The following RARA variants were observed in gnomAD, a reference collection of about 807,000 sequenced individuals.
The protein encoded by RARA is PML-DDX5-RARA fusion.
In RARA, 5 loss-of-function variants were observed where a neutral mutation model predicts 42.8. That is an observed-to-expected ratio of 0.12 (90% CI 0.06 to 0.25). The LOEUF (loss-of-function observed/expected upper bound fraction) is 0.25, where lower values mean the gene tolerates loss of function less well. RARA is among the 10% of genes least tolerant of loss of function. The pLI, the probability that RARA is intolerant of heterozygous loss-of-function variation, is 1.00. For missense variants in RARA, 402 were observed against 628.7 expected (o/e 0.64, Z 3.86); for synonymous variants, 256 against 259.5 (o/e 0.99, Z 0.13).
At chr17:40,332,918 A>G (rs2715554) in intron 2 of RARA, among the ~76,000 whole-genome samples, 15,020 of 152,286 alleles carry the variant, frequency 0.099, 1,026 homozygotes, top group Non-Finnish European at 0.15. Context: ...GTTTGGGGCT[A>G]CTAGGGAATG....
intron 1 of RARA, among the ~76,000 whole-genome samples, chr17:40,322,223 C>T (rs934479909): frequency 1.3e-5 from 2 of 151,658 alleles, no homozygotes; most frequent in Admixed American, 6.6e-5. Flanking sequence ...CTCGTCTGGG[C>T]GGGCACCTTG....
Position 40,352,309 on chromosome 17 carries a change from C to G in RARA, c.631-22C>G, listed in dbSNP as rs753217779. 3 of 1,576,684 alleles carry G rather than the reference C, an allele frequency of 1.9e-6. No homozygotes were observed. The highest frequency in any genetic ancestry group is 2.6e-6 in the Non-Finnish European group (3 of 1,157,604). On this transcript the variant is annotated intron_variant, in intron 5 of 8. Transcript: ENST00000254066. This position sits in a 1 kb window ranked among gnomAD's most constrained non-coding sequence, Gnocchi z 4.9. ...AAGGGGTGCCATGGAGAAGAAGGCC[C>G]TCACTCTCCCTCCTCCCCCAGAACA...
intron 1 of RARA, among the ~76,000 whole-genome samples, chr17:40,312,852 C>G (rs534958640): frequency 1.1e-4 from 17 of 152,244 alleles, no homozygotes; most frequent in African/African-American, 3.9e-4. Flanking sequence ...TGTGTTGAGA[C>G]CTGAACCCAG....
chr17:40,348,648 T>G, intron 3 of RARA, 184 bp downstream of exon 3: 1 of 671,458 alleles, frequency 1.5e-6, no homozygotes, highest in Admixed American at 4.1e-5. Flanking sequence ...CCCATAAATG[T>G]GCAGGGCTCC....
At position 40,351,193 on chromosome 17, in the gene RARA, C is replaced by T. The variant is rs2034432161; in HGVS notation, c.470-717C>T. Among the ~76,000 whole-genome samples the T allele has an allele frequency of 6.6e-6, 1 of 151,942 alleles. No homozygotes were observed. ...AATTTGCAGAATCGACATGAGTGAT[C>T]TCCAAATTATGCCAGCTACCCCCAC... On this transcript the variant is annotated intron_variant, in intron 4 of 8. Transcript: ENST00000254066. The surrounding 1 kb of genome is among the most constrained non-coding windows in gnomAD (Gnocchi z 4.1).
At chr17:40,321,401 C>T (rs2033374605) in intron 1 of RARA, among the ~76,000 whole-genome samples, 1 of 152,074 alleles carries the variant, frequency 6.6e-6, no homozygotes, top group Non-Finnish European at 1.5e-5. Flanking sequence ...ACTGGAGCCT[C>T]CCTTGCCTGT....
intron 1 of RARA, among the ~76,000 whole-genome samples, chr17:40,330,109 C>T (rs1472530638): frequency 6.6e-6 from 1 of 152,190 alleles, no homozygotes; most frequent in Non-Finnish European, 1.5e-5. Flanking sequence ...TTCTGCCCAC[C>T]TCCCACCCCA....
chr17:40,314,027 CTG>C (rs1188399627), intron 1 of RARA, among the ~76,000 whole-genome samples: 2 of 152,166 alleles, frequency 1.3e-5, no homozygotes, highest in Non-Finnish European at 2.9e-5. Context: ...CTGTTGGTCT[CTG>C]TCTCATTCTC....
intron 2 of RARA, among the ~76,000 whole-genome samples, chr17:40,344,254 C>T (rs1025553364): frequency 1.3e-5 from 2 of 152,070 alleles, no homozygotes; most frequent in Non-Finnish European, 1.5e-5. Context: ...GTCCTGCCCC[C>T]GACCATTTCC....
rs1172581482 is a variant in RARA, at chr17:40,356,189, G to A, written c.1352G>A (p.Ser451Asn). ...PGSCSPSLSP[S>N]SNRSSPATHS... ...AGCTGTAGCCCCAGCCTCAGCCCCAGCTCCAACAGAAGCAGCCCGGCCACC... is the reference window on the plus strand; with the variant it reads ...AGCTGTAGCCCCAGCCTCAGCCCCAACTCCAACAGAAGCAGCCCGGCCACC... The change falls in exon 9 of 9, where the codon AGC (serine) becomes AAC (asparagine). Residue 451 changes from serine to asparagine, a missense_variant. By Grantham distance (46) the Ser-to-Asn change is conservative. This residue lies in a region of RARA where 73 missense variants were observed against 59.8 expected (regional missense o/e 1.22). Coordinates refer to ENST00000254066, the MANE Select transcript of RARA (RefSeq NM_000964.4). 1 of 1,550,602 alleles carries A rather than the reference G, an allele frequency of 6.4e-7. No homozygotes were observed.
rs71356657 is a variant in RARA at position 40,315,132 on chromosome 17, G to GTATATA, written c.-363+5881_-363+5886dup. Among the ~76,000 whole-genome samples the GTATATA allele has an allele frequency of 5.9e-3, 377 of 64,072 alleles. 5 individuals carry two copies. Among genetic ancestry groups the GTATATA allele is most frequent in the Admixed American group, 7.6e-3 (35 of 4,626 alleles). The allele number at this position is 64,072 out of a possible 152,430, so 42.0% of individuals were successfully genotyped here. A position where few individuals can be genotyped will look rare whatever the true frequency, so the allele number is the denominator to read the frequency against. On this transcript the variant is annotated intron_variant, in intron 1 of 8. Coordinates refer to ENST00000254066, the MANE Select transcript of RARA (RefSeq NM_000964.4). ...TATATATATATATATGCTTATATGTGTATATATATATATATATATATATAT... is the reference window on the plus strand; with the variant it reads ...TATATATATATATATGCTTATATGTGTATATATATATATATATATATATATATATAT...
At chr17:40,321,145 A>T (rs2033364500) in intron 1 of RARA, among the ~76,000 whole-genome samples, 1 of 151,352 alleles carries the variant, frequency 6.6e-6, no homozygotes, top group African/African-American at 2.4e-5. Context: ...GTGTCCAGGG[A>T]GTATTCTGGG....
intron 1 of RARA, among the ~76,000 whole-genome samples, chr17:40,317,545 C>G (rs1216493033): frequency 1.4e-5 from 2 of 147,102 alleles, no homozygotes; most frequent in Non-Finnish European, 3.0e-5. Context: ...GGCGCCCCTA[C>G]TGGAAGATCC....
rs2033341160 is a variant in RARA, at chr17:40,320,353, C to T, written c.-362-10504C>T. The stretch of plus-strand genomic sequence containing the variant: ...AGCCTGGCAGGAAGCCAGCTGTGGG[C>T]AGCCCCATCCTGATCACCCATGTGC... On this transcript the variant is annotated intron_variant, in intron 1 of 8. Coordinates refer to ENST00000254066, the MANE Select transcript of RARA (RefSeq NM_000964.4). The surrounding 1 kb of genome is among the most constrained non-coding windows in gnomAD (Gnocchi z 4.1). Among the ~76,000 whole-genome samples the T allele has an allele frequency of 6.6e-6, 1 of 152,162 alleles. No homozygotes were observed. The highest frequency in any genetic ancestry group is 1.5e-5 in the Non-Finnish European group (1 of 68,022).
At chr17:40,346,155 C>T (rs1242550449) in intron 2 of RARA, among the ~76,000 whole-genome samples, 2 of 152,188 alleles carry the variant, frequency 1.3e-5, no homozygotes, top group Non-Finnish European at 1.5e-5. Context: ...CTCTCAGTTC[C>T]GTAAACACCC....
rs370334154 is a variant in RARA at position 40,356,646 on chromosome 17, G to A, written c.*420G>A. 7.4e-6 allele frequency: 4 copies of A among 538,954 alleles called. No homozygotes were observed. Among genetic ancestry groups the A allele is most frequent in the Admixed American group, 2.3e-5 (1 of 44,176 alleles). 33.4% of individuals were successfully genotyped at this position (538,954 alleles called of 1,614,324 possible). On this transcript the variant is annotated 3_prime_UTR_variant, in exon 9 of 9. Coordinates refer to ENST00000254066, the MANE Select transcript of RARA (RefSeq NM_000964.4). ...GGAACCTCAACCTCCCCCCTGCCTC[G>A]GTTGGTGACAGAGGGGGTGGGACAG...
rs1239789997 is a variant in RARA, at chr17:40,351,567, A to G, written c.470-343A>G. On this transcript the variant is annotated intron_variant, in intron 4 of 8. Transcript: ENST00000254066. The surrounding 1 kb of genome is among the most constrained non-coding windows in gnomAD (Gnocchi z 4.1). ...GCGGGAGAAGGACCTTCCTGGGGAA[A>G]GAGGAGGCAGAGCACCTAGGAGGGC... The G allele has an allele frequency of 4.2e-6, 2 of 472,710 alleles. No homozygotes were observed. The highest frequency in any genetic ancestry group is 1.2e-4 in the East Asian group (2 of 17,218). 29.3% of individuals were successfully genotyped at this position (472,710 alleles called of 1,614,324 possible).
rs1272984574 is a variant in RARA, at chr17:40,345,139, A to G, written c.179-3177A>G. 3 of 153,716 alleles carry G rather than the reference A, an allele frequency of 2.0e-5. No individual in the cohort carries two copies. Among genetic ancestry groups the G allele is most frequent in the African/African-American group, 7.2e-5 (3 of 41,452 alleles). 9.5% of individuals were successfully genotyped at this position (153,716 alleles called of 1,614,324 possible). On this transcript the variant is annotated intron_variant, in intron 2 of 8. Transcript: ENST00000254066. This position sits in a 1 kb window ranked among gnomAD's most constrained non-coding sequence, Gnocchi z 4.8. Reference sequence around the variant, plus strand: ...TGTGGCTCCCCATCTGTCTCCCACCAATCTCCGCCACTCACACCTCCGCCC... The same window carrying G: ...TGTGGCTCCCCATCTGTCTCCCACCGATCTCCGCCACTCACACCTCCGCCC...
At chr17:40,334,826 C>T (rs1333525708) in intron 2 of RARA, among the ~76,000 whole-genome samples, 3 of 152,216 alleles carry the variant, frequency 2.0e-5, no homozygotes, top group African/African-American at 7.2e-5. Flanking sequence ...CATTAGGTGG[C>T]CTGGGTGCGC....
Sources: allele counts gnomAD v4.1 joint callset (sites outside exome capture counted in the v4.1 genomes callset), GRCh38; gene constraint gnomAD v4.1.1; regional missense constraint gnomAD v4.1.1; non-coding constraint Gnocchi (gnomAD v3.1); transcripts MANE v1.5; gene names NCBI Gene and HGNC (gene_info 2026-07-23, HGNC 2026-07-21).